FOXN3: variants seen among roughly 807,000 people sequenced by gnomAD.
The protein encoded by FOXN3 is forkhead box N3.
In FOXN3, 7 loss-of-function variants were observed where a neutral mutation model predicts 38.4. The observed-to-expected ratio is 0.18, with a 90% confidence interval of 0.10 to 0.34. The LOEUF is 0.34. Among genes scored for constraint, FOXN3 ranks in the 10% least tolerant of loss-of-function variants. The pLI is 1.00. For synonymous variants in FOXN3, 230 were observed against 242.2 expected, an observed-to-expected ratio of 0.95 and a Z score of 0.47; for missense variants, 456 against 613.4, an observed-to-expected ratio of 0.74 and a Z score of 2.71.
At chr14:89,580,385 A>G (rs1232533059) in intron 1 of FOXN3, among the ~76,000 whole-genome samples, 1 of 152,222 alleles carries the variant, frequency 6.6e-6, no homozygotes, top group African/African-American at 2.4e-5. Flanking sequence ...TCTGTGCTCG[A>G]AGGAAACCAC....
chr14:89,435,663 T>C (rs180724215), intron 1 of FOXN3, among the ~76,000 whole-genome samples: 9 of 152,294 alleles, frequency 5.9e-5, no homozygotes, highest in African/African-American at 1.7e-4. Context: ...GGGGATGAAG[T>C]AGAAAGCTGA....
At chr14:89,480,275 C>T (rs368401219) in intron 1 of FOXN3, among the ~76,000 whole-genome samples, 6 of 152,020 alleles carry the variant, frequency 3.9e-5, no homozygotes, top group African/African-American at 1.2e-4. Flanking sequence ...TGGTGGCGGG[C>T]GCCTGTAGTC....
intron 2 of FOXN3, among the ~76,000 whole-genome samples, chr14:89,396,280 C>T (rs1309248659): frequency 6.6e-6 from 1 of 152,186 alleles, no homozygotes; most frequent in African/African-American, 2.4e-5. Flanking sequence ...CAGTTTATGT[C>T]CACTTCCAGT....
intron 1 of FOXN3, among the ~76,000 whole-genome samples, chr14:89,457,474 G>A (rs771465357): frequency 1.3e-5 from 2 of 152,182 alleles, no homozygotes; most frequent in South Asian, 2.1e-4. Context: ...CACTCTTACC[G>A]TATGACCTTG....
Position 89,288,363 on chromosome 14 carries a change from G to T in FOXN3, c.681-7349C>A, listed in dbSNP as rs1392159989. The stretch of plus-strand genomic sequence containing the variant: ...ACTGGAGACTCAACTGATTTCAAAG[G>T]TATCAGCCTGCACATAGTTCTTGTA... On this transcript the variant is annotated intron_variant, in intron 3 of 5. Transcript: ENST00000557258. 3.9e-5 allele frequency among the ~76,000 whole-genome samples: 6 copies of T among 152,238 alleles called. No homozygotes were observed. In the East Asian group the frequency reaches 1.2e-3, roughly 29 times the overall value.
intron 1 of FOXN3, among the ~76,000 whole-genome samples, chr14:89,424,501 A>G (rs967638686): frequency 2.0e-5 from 3 of 152,160 alleles, no homozygotes; most frequent in Non-Finnish European, 2.9e-5. Context: ...CTTTTGGTTT[A>G]TAGGTTTTGA....
At chr14:89,329,355 C>G (rs767891139) in intron 3 of FOXN3, among the ~76,000 whole-genome samples, 1 of 152,122 alleles carries the variant, frequency 6.6e-6, no homozygotes, top group Non-Finnish European at 1.5e-5. Context: ...ATTTAAAACT[C>G]GGAACATAGC....
At chr14:89,611,479 A>G (rs1452020298) in intron 1 of FOXN3, among the ~76,000 whole-genome samples, 1 of 152,198 alleles carries the variant, frequency 6.6e-6, no homozygotes, top group East Asian at 1.9e-4. Flanking sequence ...TCAGGGATGG[A>G]CGAAGAGAAA....
At chr14:89,579,110 A>C (rs1895692836) in intron 1 of FOXN3, among the ~76,000 whole-genome samples, 1 of 150,586 alleles carries the variant, frequency 6.6e-6, no homozygotes, top group African/African-American at 2.4e-5. Flanking sequence ...TCGGCCTCCC[A>C]AAGTGCTAGG....
intron 5 of FOXN3, among the ~76,000 whole-genome samples, chr14:89,166,477 C>T (rs1034460660): frequency 3.3e-5 from 5 of 152,114 alleles, no homozygotes; most frequent in Non-Finnish European, 7.4e-5. Flanking sequence ...ACCCATTTCA[C>T]AGAAAAACAG....
chr14:89,456,209 A>C (rs1437742607), intron 1 of FOXN3, among the ~76,000 whole-genome samples: 1 of 151,572 alleles, frequency 6.6e-6, no homozygotes, highest in African/African-American at 2.4e-5. Context: ...AAAAAAAAAA[A>C]AAAAACTAAC....
chr14:89,273,236 A>T (rs1468370505), intron 4 of FOXN3, among the ~76,000 whole-genome samples: 3 of 152,118 alleles, frequency 2.0e-5, no homozygotes, highest in African/African-American at 7.2e-5. Context: ...CCCTCTTCCG[A>T]AGTCCAGCCT....
intron 1 of FOXN3, among the ~76,000 whole-genome samples, chr14:89,455,921 C>T (rs751408532): frequency 3.9e-5 from 6 of 152,172 alleles, no homozygotes; most frequent in East Asian, 3.8e-4. Context: ...ACAGGCCAGG[C>T]GCGGTGGCTC....
intron 2 of FOXN3, among the ~76,000 whole-genome samples, chr14:89,360,616 GGGAAGGAA>G (rs1313554842): frequency 8.7e-5 from 13 of 149,728 alleles, no homozygotes; most frequent in African/African-American, 2.3e-4. Context: ...GAGGGAAGGA[GGGAAGGAA>G]GGAAGGCTGG....
intron 3 of FOXN3, among the ~76,000 whole-genome samples, chr14:89,294,318 G>A (rs1028383311): frequency 6.6e-6 from 1 of 152,174 alleles, no homozygotes; most frequent in East Asian, 1.9e-4. Context: ...GTGCTATCAG[G>A]GGTGGGGGAA....
chr14:89,275,927 C>G (rs17798831), intron 4 of FOXN3, among the ~76,000 whole-genome samples: 54,814 of 152,008 alleles, frequency 0.36, 10,796 homozygotes, highest in Admixed American at 0.47. Context: ...CCTCTGTGAG[C>G]TGAAAATGCC....
At chr14:89,606,135 C>T (rs1896270883) in intron 1 of FOXN3, among the ~76,000 whole-genome samples, 1 of 151,836 alleles carries the variant, frequency 6.6e-6, no homozygotes, top group African/African-American at 2.4e-5. Context: ...ATTATGCCTC[C>T]CAATGTTAAA....
At chr14:89,251,049 G>A (rs1566938928) in intron 4 of FOXN3, among the ~76,000 whole-genome samples, 1 of 152,142 alleles carries the variant, frequency 6.6e-6, no homozygotes, top group Non-Finnish European at 1.5e-5. Flanking sequence ...CCACAGCACT[G>A]ACTGGAAAAA....
chr14:89,324,821 G>C (rs143242282), intron 3 of FOXN3, among the ~76,000 whole-genome samples: 291 of 152,182 alleles, frequency 1.9e-3, no homozygotes, highest in Non-Finnish European at 3.0e-3. Context: ...AGGTTTCAAG[G>C]CTGGCCCAGT....
Sources: allele counts gnomAD v4.1 joint callset (sites outside exome capture counted in the v4.1 genomes callset), GRCh38; gene constraint gnomAD v4.1.1; transcripts MANE v1.5; gene names NCBI Gene and HGNC (gene_info 2026-07-23, HGNC 2026-07-21).